The following MYRFL variants were observed in gnomAD, a reference collection of about 807,000 sequenced individuals.
MYRFL encodes the protein myelin regulatory factor-like protein.
Under a neutral mutation model 109.4 loss-of-function variants are expected in MYRFL, and 88 were observed. That is an observed-to-expected ratio of 0.80 (90% CI 0.68 to 0.96). The LOEUF is 0.96. Among genes scored for constraint, MYRFL ranks in the 40% least tolerant of loss-of-function variants. The pLI is 0.00. For synonymous variants in MYRFL, 324 were observed against 320.9 expected, an observed-to-expected ratio of 1.01 and a Z score of -0.10; for missense variants, 957 against 954.9, an observed-to-expected ratio of 1.00 and a Z score of -0.03.
chr12:69,840,639 G>A (rs1025782559), intron 1 of MYRFL, among the ~76,000 whole-genome samples: 1 of 152,194 alleles, frequency 6.6e-6, no homozygotes, highest in Non-Finnish European at 1.5e-5. Flanking sequence ...AGTTCATTTA[G>A]CGTCTAGTTG....
chr12:69,884,824 A>G (rs907451884), intron 5 of MYRFL, among the ~76,000 whole-genome samples: 4 of 152,230 alleles, frequency 2.6e-5, no homozygotes, highest in African/African-American at 9.7e-5. Context: ...TGCGTTTTAC[A>G]GTCATGGCCT....
chr12:69,886,082 C>CA (rs1313439202), intron 5 of MYRFL, among the ~76,000 whole-genome samples: 2 of 151,462 alleles, frequency 1.3e-5, no homozygotes, highest in African/African-American at 2.4e-5. Context: ...AACCAAAATT[C>CA]AAAAAAAAGC....
intron 6 of MYRFL, among the ~76,000 whole-genome samples, chr12:69,890,395 G>A (rs12371030): frequency 0.096 from 14,650 of 152,092 alleles, 944 homozygotes; most frequent in Middle Eastern, 0.15. Context: ...AAAACACAAA[G>A]GGGAAAGGCA....
At chr12:69,862,454 A>C (rs528925084) in intron 2 of MYRFL, among the ~76,000 whole-genome samples, 185 of 151,998 alleles carry the variant, frequency 1.2e-3, no homozygotes, top group African/African-American at 4.3e-3. Context: ...CTCCTTGAAG[A>C]GGTCCTTCAC....
At chr12:69,859,727 C>A (rs1322194082) in intron 2 of MYRFL, among the ~76,000 whole-genome samples, 1 of 152,152 alleles carries the variant, frequency 6.6e-6, no homozygotes, top group Non-Finnish European at 1.5e-5. Flanking sequence ...GAGATACCAT[C>A]TCACACCAGT....
At chr12:69,873,264 G>GA (rs1229022903) in intron 2 of MYRFL, among the ~76,000 whole-genome samples, 1 of 151,944 alleles carries the variant, frequency 6.6e-6, no homozygotes, top group African/African-American at 2.4e-5. Context: ...AAAAAAATCA[G>GA]AAAAAAATCT....
intron 2 of MYRFL, among the ~76,000 whole-genome samples, chr12:69,873,581 T>C (rs1885482702): frequency 6.6e-6 from 1 of 152,200 alleles, no homozygotes; most frequent in Non-Finnish European, 1.5e-5. Flanking sequence ...TCCGTCTTTG[T>C]CTTAGGCTAC....
In MYRFL at chr12:69,885,160, C is replaced by T. The variant is rs187636562; in HGVS notation, c.557-1660C>T. 2.2e-3 allele frequency among the ~76,000 whole-genome samples: 336 copies of T among 152,142 alleles called. 1 individual carries two copies. Among genetic ancestry groups the T allele is most frequent in the African/African-American group, 7.3e-3 (304 of 41,518 alleles). On this transcript the variant is annotated intron_variant, in intron 5 of 24. Coordinates refer to ENST00000552032, the MANE Select transcript of MYRFL (RefSeq NM_182530.3). ...CACTTAGCTTTTGGAGGAGTGAGAGCACGAAGAGCTCCTTGCATTGTCCAC... is the reference window on the plus strand; with the variant it reads ...CACTTAGCTTTTGGAGGAGTGAGAGTACGAAGAGCTCCTTGCATTGTCCAC...
intron 13 of MYRFL, among the ~76,000 whole-genome samples, chr12:69,923,156 C>A (rs1170348057): frequency 2.0e-5 from 3 of 152,168 alleles, no homozygotes; most frequent in Non-Finnish European, 4.4e-5. Flanking sequence ...AATGTTCTAT[C>A]TTTGGCCAAT....
At chr12:69,831,105 T>A (rs1882604107) in intron 1 of MYRFL, among the ~76,000 whole-genome samples, 1 of 152,164 alleles carries the variant, frequency 6.6e-6, no homozygotes, top group Admixed American at 6.5e-5. Context: ...GTGTGCTTTT[T>A]AAAACAAAAA....
intron 6 of MYRFL, among the ~76,000 whole-genome samples, chr12:69,887,675 A>G (rs1886543179): frequency 6.6e-6 from 1 of 151,280 alleles, no homozygotes; most frequent in Admixed American, 6.5e-5. Flanking sequence ...TCCAAATTCA[A>G]ATTTTAAAAT....
At chr12:69,951,141 A>T (rs1206706143) in intron 19 of MYRFL, among the ~76,000 whole-genome samples, 1 of 152,206 alleles carries the variant, frequency 6.6e-6, no homozygotes, top group East Asian at 1.9e-4. Context: ...GTGCTATGGC[A>T]TTGGAAAGGA....
chr12:69,877,673 C>T (rs2136331661), intron 2 of MYRFL, among the ~76,000 whole-genome samples: 1 of 152,206 alleles, frequency 6.6e-6, no homozygotes, highest in Non-Finnish European at 1.5e-5. Context: ...GTCCTCTCTT[C>T]CCTTATTAAT....
At chr12:69,870,357 A>G (rs769087600) in intron 2 of MYRFL, among the ~76,000 whole-genome samples, 6 of 149,718 alleles carry the variant, frequency 4.0e-5, no homozygotes, top group African/African-American at 9.8e-5. Context: ...GATTTTTACA[A>G]CTCTTTCCTG....
At chr12:69,891,314 A>G in intron 7 of MYRFL, 148 bp downstream of exon 7, 2 of 582,332 alleles carry the variant, frequency 3.4e-6, no homozygotes. Context: ...TCAGCGTGTG[A>G]CTATGACAAC....
At chr12:69,851,082 T>C (rs1470756419) in intron 1 of MYRFL, among the ~76,000 whole-genome samples, 1 of 152,154 alleles carries the variant, frequency 6.6e-6, no homozygotes, top group African/African-American at 2.4e-5. Context: ...GTCAAACATA[T>C]ACAATTTGAA....
intron 1 of MYRFL, among the ~76,000 whole-genome samples, chr12:69,839,809 G>C (rs553440501): frequency 9.8e-4 from 149 of 152,272 alleles, no homozygotes; most frequent in African/African-American, 3.4e-3. Flanking sequence ...AAATGGCTTA[G>C]CTCATGATTC....
intron 7 of MYRFL, 37 bp downstream of exon 7, chr12:69,891,203 C>T: frequency 1.5e-6 from 2 of 1,369,588 alleles, no homozygotes; most frequent in Non-Finnish European, 1.9e-6. Flanking sequence ...TATCAGTCAA[C>T]ATTTATTTTG....
intron 16 of MYRFL, among the ~76,000 whole-genome samples, chr12:69,934,141 A>G (rs1159409331): frequency 6.6e-6 from 1 of 152,194 alleles, no homozygotes; most frequent in Non-Finnish European, 1.5e-5. Flanking sequence ...GAGAACAAAG[A>G]AGGGGAGACT....
Sources: gnomAD v4.1 joint callset for allele counts (sites outside exome capture counted in the v4.1 genomes callset) on GRCh38, gnomAD v4.1.1 for gene constraint, MANE v1.5 for transcripts, NCBI Gene and HGNC (gene_info 2026-07-23, HGNC 2026-07-21) for gene names.